The following C21orf58 variants were observed in gnomAD, a reference collection of about 807,000 sequenced individuals.
C21orf58 encodes chromosome 21 open reading frame 58.
A neutral mutation model predicts 35.8 loss-of-function variants in C21orf58; 34 were observed. The ratio of observed to expected loss-of-function variants is 0.95; its 90% confidence interval spans 0.72 to 1.26. The LOEUF is 1.26. Among genes scored for constraint, C21orf58 ranks in the 50% most tolerant of loss-of-function variants. C21orf58 has a pLI of 0.00. For missense variants in C21orf58, 440 were observed against 414.3 expected (o/e 1.06, Z -0.54); for synonymous variants, 191 against 175.8 (o/e 1.09, Z -0.68).
intron 5 of C21orf58, among the ~76,000 whole-genome samples, chr21:46,314,472 G>T (rs1412312745): frequency 2.0e-5 from 3 of 152,184 alleles, no homozygotes; most frequent in Non-Finnish European, 4.4e-5. Context: ...AACATTTAAG[G>T]CCAGGGCTGG....
intron 6 of C21orf58, among the ~76,000 whole-genome samples, chr21:46,307,708 A>G (rs2082483775): frequency 6.6e-6 from 1 of 152,184 alleles, no homozygotes; most frequent in South Asian, 2.1e-4. Flanking sequence ...TAATTAACCA[A>G]GTCAGCACAG....
chr21:46,314,784 T>A lies in C21orf58; in HGVS notation c.541A>T (p.Thr181Ser). 1 of 1,530,192 alleles carries A rather than the reference T, an allele frequency of 6.5e-7. No homozygotes were observed. Among genetic ancestry groups the A allele is most frequent in the Non-Finnish European group, 8.8e-7 (1 of 1,133,112 alleles). The allele number at this position is 1,530,192 out of a possible 1,614,324, so 94.8% of individuals were successfully genotyped here. A position where few individuals can be genotyped will look rare whatever the true frequency, so the allele number is the denominator to read the frequency against. The change falls in exon 5 of 8, where the codon ACG (threonine) becomes TCG (serine). Residue 181 changes from threonine (T) to serine (S), a missense_variant. Transcript: ENST00000291691. ...GGGGAGGCAGTGGGTAGGATGCCCG[T>A]GGGGGGCAGCTCTGGGGGCAGGGCT... ...GSALPPELPP[T>S]GILPTASPSP...
Position 46,311,476 on chromosome 21 carries a change from CGT to C in C21orf58, c.699_700del (p.Arg234ValfsTer5). On this transcript the variant is annotated frameshift_variant, in exon 6 of 8. Coordinates refer to ENST00000291691, the MANE Select transcript of C21orf58 (RefSeq NM_058180.5). LOFTEE classifies it high-confidence loss of function. ...CTTACCTTCCTTAATACTTCCTGAC[CGT>C]TGAGTAGGGAAGGCCTGGGGAGGAG... The C allele has an allele frequency of 6.2e-7, 1 of 1,602,256 alleles. No individual in the cohort carries two copies. The highest frequency in any genetic ancestry group is 8.5e-7 in the Non-Finnish European group (1 of 1,171,896).
At chr21:46,308,704 T>A (rs7278971) in intron 6 of C21orf58, among the ~76,000 whole-genome samples, 81,151 of 151,842 alleles carry the variant, frequency 0.53, 23,267 homozygotes, top group Non-Finnish European at 0.63. Context: ...ATCCTCAATG[T>A]GGCAGTATTG....
intron 6 of C21orf58, among the ~76,000 whole-genome samples, chr21:46,302,998 T>C (rs1175689053): frequency 1.3e-5 from 2 of 151,692 alleles, no homozygotes; most frequent in Non-Finnish European, 2.9e-5. Context: ...CCTGAGTCTC[T>C]ACTAAAAATA....
In C21orf58 at chr21:46,312,200, A is replaced by G. The variant is rs1251400265; in HGVS notation, c.610-633T>C. On this transcript the variant is annotated intron_variant, in intron 5 of 7. Coordinates refer to ENST00000291691, the MANE Select transcript of C21orf58 (RefSeq NM_058180.5). ...GTTGAATGGAAAGGTACTTCAGTCT[A>G]GATATCACTTAGGATGTAGTATTTT... 2.4e-4 allele frequency among the ~76,000 whole-genome samples: 36 copies of G among 152,184 alleles called. 1 individual carries two copies. The highest frequency in any genetic ancestry group is 2.4e-3 in the Admixed American group (36 of 15,264).
At chr21:46,319,583 C>T (rs371533363) in intron 1 of C21orf58, among the ~76,000 whole-genome samples, 4 of 152,160 alleles carry the variant, frequency 2.6e-5, no homozygotes, top group Non-Finnish European at 5.9e-5. Flanking sequence ...CACAACACAA[C>T]AAGACCCCAT....
Position 46,318,058 on chromosome 21 carries a change from G to T in C21orf58, c.263C>A (p.Ser88Ter). Residue 88 changes from serine (S) to a stop codon, truncating the protein, a stop_gained, in exon 2 of 8, where the codon TCA becomes TAA. Coordinates refer to ENST00000291691, the MANE Select transcript of C21orf58 (RefSeq NM_058180.5). LOFTEE classifies it high-confidence loss of function. ...SPAAPTMLDS[S>*]AAEQVTRLTL... is the part of the protein sequence containing the mutation. ...CAGTCGGGTCACTTGCTCTGCTGCT[G>T]ATGAGTCCAGCATGGTGGGAGCTGC... The T allele has an allele frequency of 6.2e-7, 1 of 1,613,522 alleles. No homozygotes were observed. Among genetic ancestry groups the T allele is most frequent in the East Asian group, 2.2e-5 (1 of 44,882 alleles).
At chr21:46,310,908 G>T (rs368849034) in intron 6 of C21orf58, among the ~76,000 whole-genome samples, 1 of 151,466 alleles carries the variant, frequency 6.6e-6, no homozygotes, top group Non-Finnish European at 1.5e-5. Context: ...TCACTCTGTC[G>T]CCCAGGATGG....
chr21:46,300,513 G>A (rs1404272810), downstream of C21orf58: 1 of 371,886 alleles, frequency 2.7e-6, no homozygotes, highest in African/African-American at 2.2e-5. Flanking sequence ...TCTGAGCTTT[G>A]GTTTGAGCTT....
rs2145878258 is a variant in C21orf58 at position 46,301,856 on chromosome 21, G to A, written c.*143C>T. 2 of 1,274,028 alleles carry A rather than the reference G, an allele frequency of 1.6e-6. No homozygotes were observed. The highest frequency in any genetic ancestry group is 3.1e-5 in the East Asian group (1 of 31,968). 78.9% of individuals were successfully genotyped at this position (1,274,028 alleles called of 1,614,324 possible). The stretch of plus-strand genomic sequence containing the variant: ...CGAGCCTGCCCAGCTTCCCCAGGAG[G>A]AGCCTGCAGTCCACACTCGCGTAGC... On this transcript the variant is annotated 3_prime_UTR_variant, in exon 8 of 8. Coordinates refer to ENST00000291691, the MANE Select transcript of C21orf58 (RefSeq NM_058180.5).
intron 1 of C21orf58, among the ~76,000 whole-genome samples, chr21:46,321,178 ATT>A (rs931363851): frequency 6.6e-6 from 1 of 151,546 alleles, no homozygotes. Context: ...ATATATATAT[ATT>A]TTTTTTGAGA....
At chr21:46,311,878 G>T (rs1413567440) in intron 5 of C21orf58, among the ~76,000 whole-genome samples, 11 of 100,414 alleles carry the variant, frequency 1.1e-4, no homozygotes, top group Non-Finnish European at 2.0e-4. Flanking sequence ...CATCCAACCA[G>T]CCAACCATCC....
intron 2 of C21orf58, 58 bp from the exon 3 acceptor site, chr21:46,317,326 T>C: frequency 1.3e-6 from 2 of 1,586,046 alleles, no homozygotes; most frequent in Non-Finnish European, 1.7e-6. Flanking sequence ...CCCTGTGTGC[T>C]CCAGGAATGA....
At chr21:46,303,737 ATATATATATTTTTTT>A (rs1303722636) in intron 6 of C21orf58, among the ~76,000 whole-genome samples, 7 of 30,194 alleles carry the variant, frequency 2.3e-4, no homozygotes, top group African/African-American at 3.7e-4. Flanking sequence ...ATATATATAT[ATATATATATTTTTTT>A]TTTTTTTTTT....
At chr21:46,306,918 C>CA (rs2082444234) in intron 6 of C21orf58, among the ~76,000 whole-genome samples, 1 of 148,106 alleles carries the variant, frequency 6.8e-6, no homozygotes, top group African/African-American at 2.5e-5. Flanking sequence ...TTTTTTAAGA[C>CA]AGAGTCTTGG....
chr21:46,302,115 T>A lies in C21orf58; in HGVS notation c.853A>T (p.Arg285Trp). 6.6e-7 allele frequency: 1 copy of A among 1,522,058 alleles called. No homozygotes were observed. 94.3% of individuals were successfully genotyped at this position (1,522,058 alleles called of 1,614,324 possible). ...HVPPRVPRAA[R>W]PRLPAVHHHH... ...TGGTGCACGGCAGGCAGCCTTGGCCTGGCAGCTCGTGGGACCCTCGGGGGC... is the reference window on the plus strand; with the variant it reads ...TGGTGCACGGCAGGCAGCCTTGGCCAGGCAGCTCGTGGGACCCTCGGGGGC... Residue 285 changes from arginine to tryptophan, a missense_variant, in exon 8 of 8, where the codon AGG (arginine) becomes TGG (tryptophan). Coordinates refer to ENST00000291691, the MANE Select transcript of C21orf58 (RefSeq NM_058180.5).
In C21orf58 at chr21:46,301,357, G is replaced by T; in HGVS notation, c.*642C>A. On this transcript the variant is annotated 3_prime_UTR_variant, in exon 8 of 8. Coordinates refer to ENST00000291691, the MANE Select transcript of C21orf58 (RefSeq NM_058180.5). ...AGACGGGGTCTTGCTATGTGACCCA[G>T]GCTGGTCTCGAATTCCTGAGCTCAA... 1 of 478,506 alleles carries T rather than the reference G, an allele frequency of 2.1e-6. No individual in the cohort carries two copies. The highest frequency in any genetic ancestry group is 2.7e-6 in the Non-Finnish European group (1 of 366,920). 29.6% of individuals were successfully genotyped at this position (478,506 alleles called of 1,614,324 possible).
In C21orf58 at chr21:46,301,261, C is replaced by G. The variant is rs1210187266; in HGVS notation, c.*738G>C. On this transcript the variant is annotated 3_prime_UTR_variant, in exon 8 of 8. Coordinates refer to ENST00000291691, the MANE Select transcript of C21orf58 (RefSeq NM_058180.5). ...GGCTCAAGCAATCCTCCCACCTCAG[C>G]CCCCAGAGCTGCTGAGATAACAGGC... The G allele has an allele frequency of 3.7e-6, 1 of 270,492 alleles. No homozygotes were observed. The highest frequency in any genetic ancestry group is 5.7e-6 in the Non-Finnish European group (1 of 176,328). 16.8% of individuals were successfully genotyped at this position (270,492 alleles called of 1,614,324 possible). A position where few individuals can be genotyped will look rare whatever the true frequency, so the allele number is the denominator to read the frequency against.
Sources: gnomAD v4.1 joint callset for allele counts (sites outside exome capture counted in the v4.1 genomes callset) on GRCh38, gnomAD v4.1.1 for gene constraint, MANE v1.5 for transcripts, NCBI Gene and HGNC (gene_info 2026-07-23, HGNC 2026-07-21) for gene names.